SEC22C: variants seen among roughly 807,000 people sequenced by gnomAD.
The protein encoded by SEC22C is vesicle-trafficking protein SEC22c.
A neutral mutation model predicts 34.7 loss-of-function variants in SEC22C; 29 were observed. The ratio of observed to expected loss-of-function variants is 0.84; its 90% confidence interval spans 0.62 to 1.14. SEC22C has a LOEUF of 1.14. Among genes scored for constraint, SEC22C ranks in the 50% most tolerant of loss-of-function variants. SEC22C has a pLI of 0.00. For synonymous variants in SEC22C, 117 were observed against 132.8 expected, an observed-to-expected ratio of 0.88 and a Z score of 0.82; for missense variants, 337 against 369.0, an observed-to-expected ratio of 0.91 and a Z score of 0.71.
chr3:42,597,799 G>A (rs776691656), intron 1 of SEC22C, among the ~76,000 whole-genome samples: 1 of 152,144 alleles, frequency 6.6e-6, no homozygotes, highest in Non-Finnish European at 1.5e-5. Context: ...ATGTGGCCCA[G>A]GTAAACCAAA....
In SEC22C at chr3:42,557,698, T is replaced by C; in HGVS notation, c.527-2A>G. ...CTGGTTCCATTCGGAAATTAGGAGC[T>C]TCACAATGGAAAAAAAACAAGTGTC... On this transcript the variant is annotated splice_acceptor_variant, in intron 4 of 6. Transcript: ENST00000264454. LOFTEE classifies it high-confidence loss of function. 6.7e-7 allele frequency: 1 copy of C among 1,494,578 alleles called. No homozygotes were observed. Among genetic ancestry groups the C allele is most frequent in the Non-Finnish European group, 9.3e-7 (1 of 1,080,606 alleles). 92.6% of individuals were successfully genotyped at this position (1,494,578 alleles called of 1,614,324 possible). A position where few individuals can be genotyped will look rare whatever the true frequency, so the allele number is the denominator to read the frequency against.
In SEC22C at chr3:42,563,693, C is replaced by A. The variant is rs1413895124; in HGVS notation, c.183-7G>T. ...GTCCCCGAAAGAAGAAAAACTGAAA[C>A]AAAAGGGCAATATCTGTATTACCAG... is the stretch of plus-strand genomic sequence containing the variant. On this transcript the variant is annotated splice_polypyrimidine_tract_variant and splice_region_variant and intron_variant, in intron 2 of 6. Transcript: ENST00000264454. 1 of 1,613,654 alleles carries A rather than the reference C, an allele frequency of 6.2e-7. No individual in the cohort carries two copies. Among genetic ancestry groups the A allele is most frequent in the East Asian group, 2.2e-5 (1 of 44,858 alleles).
chr3:42,593,359 G>A (rs1022659837), intron 1 of SEC22C, among the ~76,000 whole-genome samples: 1 of 152,222 alleles, frequency 6.6e-6, no homozygotes, highest in African/African-American at 2.4e-5. Flanking sequence ...GGAGGTTGCA[G>A]TGAGCCAAGA....
chr3:42,573,119 C>T (rs569069557), intron 1 of SEC22C, among the ~76,000 whole-genome samples: 40 of 151,968 alleles, frequency 2.6e-4, no homozygotes, highest in Middle Eastern at 3.4e-3. Flanking sequence ...CTCAAAGTGG[C>T]GGGATTATAG....
At position 42,567,193 on chromosome 3, in the gene SEC22C, C is replaced by T. The variant is rs564833287; in HGVS notation, c.182+1672G>A. 2.9e-3 allele frequency among the ~76,000 whole-genome samples: 440 copies of T among 152,330 alleles called. 3 individuals are homozygous for T. Among genetic ancestry groups the T allele is most frequent in the Non-Finnish European group, 5.3e-3 (361 of 68,030 alleles). ...CTGGGATTACAGGCGTGAGCCACTG[C>T]ACCCAGCTAAGACCCTGTCTCTAAA... is the stretch of plus-strand genomic sequence containing the variant. On this transcript the variant is annotated intron_variant, in intron 2 of 6. Coordinates refer to ENST00000264454, the MANE Select transcript of SEC22C (RefSeq NM_032970.4).
chr3:42,586,752 T>G (rs1704624431), upstream of SEC22C, among the ~76,000 whole-genome samples: 1 of 152,228 alleles, frequency 6.6e-6, no homozygotes, highest in Admixed American at 6.5e-5. Flanking sequence ...CCAGTCAGTT[T>G]CTACAAGTGA....
chr3:42,558,000 A>G (rs1559513224), intron 4 of SEC22C, among the ~76,000 whole-genome samples: 1 of 152,194 alleles, frequency 6.6e-6, no homozygotes, highest in African/African-American at 2.4e-5. Context: ...ACCAGGGGCA[A>G]TCTGCCCCCC....
At chr3:42,559,841 A>G (rs1336149019) in intron 4 of SEC22C, among the ~76,000 whole-genome samples, 2 of 152,164 alleles carry the variant, frequency 1.3e-5, no homozygotes, top group African/African-American at 4.8e-5. Flanking sequence ...TGAGTGGCTA[A>G]TAACATTAAT....
rs1459057073 is a variant in SEC22C at position 42,563,629 on chromosome 3, T to G, written c.240A>C (p.Ala80=). The stretch of plus-strand genomic sequence containing the variant: ...TCTCCAGGAAGCAGAAGGCCATGGC[T>G]GCTGGACACTGGCAGGAGCAGATAG... The part of the protein sequence containing the change: ...CMAICSCQCP[A]AMAFCFLETL... Residue 80 remains alanine (A), a synonymous_variant, in exon 3 of 7, where the codon GCA becomes GCC. Coordinates refer to ENST00000264454, the MANE Select transcript of SEC22C (RefSeq NM_032970.4). The G allele has an allele frequency of 1.9e-6, 3 of 1,614,198 alleles. No individual in the cohort carries two copies. Among genetic ancestry groups the G allele is most frequent in the Non-Finnish European group, 2.5e-6 (3 of 1,180,026 alleles).
At chr3:42,591,362 C>G in intron 1 of SEC22C, 2 of 610,018 alleles carry the variant, frequency 3.3e-6, no homozygotes, top group South Asian at 3.9e-5. Flanking sequence ...CCACTCCCGG[C>G]TAATTTTTGT....
chr3:42,564,266 CT>C, intron 2 of SEC22C: 1 of 216,320 alleles, frequency 4.6e-6, no homozygotes, highest in Non-Finnish European at 9.3e-6. Context: ...TTTCTACTCC[CT>C]TTTGGGCTGT....
intron 1 of SEC22C, among the ~76,000 whole-genome samples, chr3:42,593,040 A>C (rs2125741506): frequency 6.6e-6 from 1 of 152,334 alleles, no homozygotes; most frequent in East Asian, 1.9e-4. Flanking sequence ...ACAATAAAAA[A>C]AATACAGTAT....
chr3:42,600,087 G>GA (rs1173606758), intron 1 of SEC22C, among the ~76,000 whole-genome samples: 4 of 152,154 alleles, frequency 2.6e-5, no homozygotes, highest in Non-Finnish European at 4.4e-5. Context: ...TTTGTATCCA[G>GA]AACTGTTAAA....
At position 42,553,195 on chromosome 3, in the gene SEC22C, A is replaced by G; in HGVS notation, c.*53T>C. The G allele has an allele frequency of 1.2e-6, 2 of 1,602,778 alleles. No individual in the cohort carries two copies. The highest frequency in any genetic ancestry group is 1.7e-6 in the Non-Finnish European group (2 of 1,176,096). ...AAAGTAGAGAAGCAGAAAGAGAAAC[A>G]TAGATTGATCCTCAAAAGAAAATCA... On this transcript the variant is annotated 3_prime_UTR_variant, in exon 7 of 7. Coordinates refer to ENST00000264454, the MANE Select transcript of SEC22C (RefSeq NM_032970.4).
intron 1 of SEC22C, chr3:42,580,570 T>C (rs1704270368): frequency 6.6e-6 from 1 of 152,132 alleles, no homozygotes; most frequent in African/African-American, 2.4e-5. Flanking sequence ...CTAAGAGGGG[T>C]AGGGAACTAA....
intron 4 of SEC22C, among the ~76,000 whole-genome samples, chr3:42,559,819 T>G (rs1434923561): frequency 2.0e-5 from 3 of 152,198 alleles, no homozygotes; most frequent in African/African-American, 7.2e-5. Context: ...TACTTTGTTA[T>G]GTGATAAGCA....
intron 4 of SEC22C, 62 bp downstream of exon 4, chr3:42,561,055 C>T (rs1702870420): frequency 4.0e-6 from 6 of 1,512,872 alleles, no homozygotes; most frequent in African/African-American, 1.4e-5. Context: ...AAAAAAAAAT[C>T]AACGTCCATT....
chr3:42,575,916 T>G (rs1300862410), intron 1 of SEC22C, among the ~76,000 whole-genome samples: 1 of 151,916 alleles, frequency 6.6e-6, no homozygotes, highest in Non-Finnish European at 1.5e-5. Context: ...AGGACAGGAG[T>G]TTAAGTCAAG....
At position 42,553,196 on chromosome 3, in the gene SEC22C, T is replaced by C. The variant is rs957277866; in HGVS notation, c.*52A>G. 1.2e-5 allele frequency: 19 copies of C among 1,602,822 alleles called. No homozygotes were observed. Among genetic ancestry groups the C allele is most frequent in the East Asian group, 8.9e-5 (4 of 44,808 alleles). ...AAGTAGAGAAGCAGAAAGAGAAACA[T>C]AGATTGATCCTCAAAAGAAAATCAA... On this transcript the variant is annotated 3_prime_UTR_variant, in exon 7 of 7. Coordinates refer to ENST00000264454, the MANE Select transcript of SEC22C (RefSeq NM_032970.4).
Sources: allele counts gnomAD v4.1 joint callset (sites outside exome capture counted in the v4.1 genomes callset), GRCh38; gene constraint gnomAD v4.1.1; transcripts MANE v1.5; gene names NCBI Gene and HGNC (gene_info 2026-07-23, HGNC 2026-07-21).